Variants in BAHD1 observed in about 807,000 individuals in gnomAD.
BAHD1 encodes bromo adjacent homology domain containing 1, also known as bromo adjacent homology domain-containing 1 protein.
BAHD1 carries 20 observed loss-of-function variants against 63.1 expected under a neutral mutation model. That is an observed-to-expected ratio of 0.32 (90% CI 0.22 to 0.46). The LOEUF (loss-of-function observed/expected upper bound fraction) is 0.46, where lower values mean the gene tolerates loss of function less well. Ranked by LOEUF, BAHD1 falls within the 20% of genes least tolerant of loss-of-function variation. BAHD1 has a pLI of 1.00. For missense variants in BAHD1, 939 were observed against 1,071.8 expected (o/e 0.88, Z 1.73); for synonymous variants, 408 against 426.8 (o/e 0.96, Z 0.54).
Position 40,467,213 on chromosome 15 carries a change from T to C in BAHD1, c.*1083T>C, listed in dbSNP as rs1002508618. ...ACTTGCATTTTCAGTTTGTTCCTGT[T>C]GCCCAGAGGCCCTGTTCTCACCTCA... On this transcript the variant is annotated 3_prime_UTR_variant, in exon 7 of 7. Transcript: ENST00000416165. 1 of 152,868 alleles carries C rather than the reference T, an allele frequency of 6.5e-6. No individual in the cohort carries two copies. The highest frequency in any genetic ancestry group is 1.5e-5 in the Non-Finnish European group (1 of 68,166). 9.5% of individuals were successfully genotyped at this position (152,868 alleles called of 1,614,324 possible). A position where few individuals can be genotyped will look rare whatever the true frequency, so the allele number is the denominator to read the frequency against.
intron 1 of BAHD1, among the ~76,000 whole-genome samples, chr15:40,452,291 T>G (rs931408938): frequency 1.9e-4 from 28 of 147,982 alleles, no homozygotes; most frequent in African/African-American, 7.1e-4. Context: ...CTCTCTCTCT[T>G]TGAGGACAGT....
At chr15:40,456,386 A>G (rs547937312) in intron 1 of BAHD1, among the ~76,000 whole-genome samples, 29 of 152,262 alleles carry the variant, frequency 1.9e-4, no homozygotes, top group African/African-American at 6.0e-4. Context: ...GGAGCTCTCC[A>G]CCTGTGCTTC....
intron 4 of BAHD1, 121 bp downstream of exon 4, chr15:40,464,141 G>A (rs1894134641): frequency 8.2e-7 from 1 of 1,221,268 alleles, no homozygotes. Flanking sequence ...CTGGCACAGA[G>A]TCTGCCTTCC....
chr15:40,459,806 G>A lies in BAHD1; in HGVS notation c.1342G>A (p.Gly448Ser), dbSNP rs1368040696. 3 of 1,613,526 alleles carry A rather than the reference G, an allele frequency of 1.9e-6. No homozygotes were observed. Among genetic ancestry groups the A allele is most frequent in the Non-Finnish European group, 2.5e-6 (3 of 1,179,942 alleles). The change falls in exon 2 of 7, where the codon GGC (glycine) becomes AGC (serine). Residue 448 changes from glycine (G) to serine (S), a missense_variant. By Grantham distance (56) the Gly-to-Ser change is moderately conservative (BLOSUM62 0). This residue lies in a region of BAHD1 where 797 missense variants were observed against 813.3 expected (regional missense o/e 0.98). Coordinates refer to ENST00000416165, the MANE Select transcript of BAHD1 (RefSeq NM_014952.5). ...CTCTAGCGAGGACACTGGAGTGAAT[G>A]GCTACAGCATCTGCGGAGTGTTGCC... is the stretch of plus-strand genomic sequence containing the variant. ...YCSSEDTGVN[G>S]YSICGVLPLS...
rs140142679 is a variant in BAHD1 at position 40,459,520 on chromosome 15, G to C, written c.1056G>C (p.Leu352=). The change falls in exon 2 of 7, where the codon CTG becomes CTC. Residue 352 remains leucine (L), a synonymous_variant. Coordinates refer to ENST00000416165, the MANE Select transcript of BAHD1 (RefSeq NM_014952.5). ...LHQPSFPTPQ[L]SPLPMPGNPA... Reference sequence around the variant, plus strand: ...AGCCCTCTTTCCCCACACCTCAGCTGTCGCCGCTGCCGATGCCTGGCAACC... The same window carrying C: ...AGCCCTCTTTCCCCACACCTCAGCTCTCGCCGCTGCCGATGCCTGGCAACC... 6.5e-5 allele frequency: 105 copies of C among 1,613,978 alleles called. No homozygotes were observed. Among genetic ancestry groups the C allele is most frequent in the Non-Finnish European group, 8.1e-5 (96 of 1,180,036 alleles).
At chr15:40,453,848 TTA>T (rs1330321779) in intron 1 of BAHD1, 1 of 140,790 alleles carries the variant, frequency 7.1e-6, no homozygotes. Context: ...TGTCACGCGC[TTA>T]TAGTCTCAGT....
chr15:40,440,781 G>C (rs1008606012), upstream of BAHD1, among the ~76,000 whole-genome samples: 8 of 151,802 alleles, frequency 5.3e-5, no homozygotes, highest in African/African-American at 1.9e-4. Flanking sequence ...TGGGACGACC[G>C]ACCCACGGTT....
chr15:40,466,259 GGGGA>G lies in BAHD1; in HGVS notation c.*133_*136del. The G allele has an allele frequency of 1.2e-6, 1 of 826,080 alleles. No homozygotes were observed. The highest frequency in any genetic ancestry group is 1.8e-6 in the Non-Finnish European group (1 of 560,834). 51.2% of individuals were successfully genotyped at this position (826,080 alleles called of 1,614,324 possible). ...TTTGCTGGCCTGTGGTTTTCTTGGGGGGGAGGGCAGGGGCCCCTGTGGGTTCTGG... is the reference window on the plus strand; with the variant it reads ...TTTGCTGGCCTGTGGTTTTCTTGGGGGGGCAGGGGCCCCTGTGGGTTCTGG... On this transcript the variant is annotated 3_prime_UTR_variant, in exon 7 of 7. Coordinates refer to ENST00000416165, the MANE Select transcript of BAHD1 (RefSeq NM_014952.5).
Position 40,458,956 on chromosome 15 carries a change from GTCC to G in BAHD1, c.499_501del (p.Ser167del). Reference sequence around the variant, plus strand: ...ACCGTGATCGTGCTACTGGGGGCTGGTCCTCCTCCAAGAAGCGGCCCCGGCTGG... The same window carrying G: ...ACCGTGATCGTGCTACTGGGGGCTGGTCCTCCAAGAAGCGGCCCCGGCTGG... On this transcript the variant is annotated inframe_deletion, in exon 2 of 7. Transcript: ENST00000416165. This position sits in a 1 kb window ranked among gnomAD's most constrained non-coding sequence, Gnocchi z 4.7. 1.3e-6 allele frequency: 2 copies of G among 1,589,778 alleles called. No individual in the cohort carries two copies. Among genetic ancestry groups the G allele is most frequent in the South Asian group, 1.1e-5 (1 of 88,230 alleles).
At chr15:40,450,701 G>A (rs146699783) in intron 1 of BAHD1, among the ~76,000 whole-genome samples, 1 of 152,314 alleles carries the variant, frequency 6.6e-6, no homozygotes, top group East Asian at 1.9e-4. Flanking sequence ...CTGATCCTGG[G>A]CAGTATGGCA....
At position 40,465,362 on chromosome 15, in the gene BAHD1, C is replaced by T; in HGVS notation, c.2080C>T (p.Arg694Ter). Reference protein sequence around the residue: ...EPLQNEVFASRHQDQNSVACI... With the variant: ...EPLQNEVFAS ...CTTGCAGAATGAAGTGTTTGCATCG[C>T]GACATCAGGACCAGAACAGTGTGGC... The change falls in exon 6 of 7, where the codon CGA becomes TGA. Residue 694 changes from arginine to a stop codon, truncating the protein, a stop_gained. Coordinates refer to ENST00000416165, the MANE Select transcript of BAHD1 (RefSeq NM_014952.5). LOFTEE classifies it high-confidence loss of function. 6.2e-7 allele frequency: 1 copy of T among 1,614,138 alleles called. No homozygotes were observed. The highest frequency in any genetic ancestry group is 8.5e-7 in the Non-Finnish European group (1 of 1,180,000).
intron 4 of BAHD1, 102 bp downstream of exon 4, chr15:40,464,122 C>A: frequency 7.4e-7 from 1 of 1,346,682 alleles, no homozygotes; most frequent in Non-Finnish European, 1.0e-6. Context: ...CGTGAGTCTC[C>A]CCGTGTTCCT....
At chr15:40,463,461 AT>A (rs1894110715) in intron 3 of BAHD1, among the ~76,000 whole-genome samples, 1 of 152,220 alleles carries the variant, frequency 6.6e-6, no homozygotes, top group South Asian at 2.1e-4. Context: ...CATTTTACAG[AT>A]GTGGAAGCTG....
chr15:40,459,711 T>A lies in BAHD1; in HGVS notation c.1247T>A (p.Leu416His). The A allele has an allele frequency of 6.2e-7, 1 of 1,613,986 alleles. No individual in the cohort carries two copies. The highest frequency in any genetic ancestry group is 1.3e-5 in the African/African-American group (1 of 75,068). ...GCTGCACCTCACGAGGAGGGGCTCC[T>A]CTTAGCTCCGAGCTCAGTGCCCTCA... ...PVAAPHEEGL[L>H]LAPSSVPSGT... Residue 416 changes from leucine (L) to histidine (H), a missense_variant, in exon 2 of 7, where the codon CTC (leucine) becomes CAC (histidine). Leu to His is a moderately conservative substitution (Grantham distance 99). Coordinates refer to ENST00000416165, the MANE Select transcript of BAHD1 (RefSeq NM_014952.5).
chr15:40,456,333 G>A (rs1414675801), intron 1 of BAHD1, among the ~76,000 whole-genome samples: 4 of 152,180 alleles, frequency 2.6e-5, no homozygotes, highest in African/African-American at 7.2e-5. Flanking sequence ...ATTAGAAGCA[G>A]GAAAGAGACT....
Position 40,458,646 on chromosome 15 carries a change from C to T in BAHD1, c.182C>T (p.Pro61Leu). Residue 61 changes from proline (P) to leucine (L), a missense_variant, in exon 2 of 7, where the codon CCA (proline) becomes CTA (leucine). Pro to Leu is a moderately conservative substitution (Grantham distance 98). Coordinates refer to ENST00000416165, the MANE Select transcript of BAHD1 (RefSeq NM_014952.5). This position sits in a 1 kb window ranked among gnomAD's most constrained non-coding sequence, Gnocchi z 4.7. ...RRKNYPLRKRPLVPEKPKACK... is the reference protein window; with the variant it reads ...RRKNYPLRKRLLVPEKPKACK... ...AAGAATTACCCACTTCGTAAGCGCC[C>T]ATTGGTTCCTGAGAAGCCCAAGGCC... The T allele has an allele frequency of 6.2e-7, 1 of 1,613,838 alleles. No individual in the cohort carries two copies. Among genetic ancestry groups the T allele is most frequent in the South Asian group, 1.1e-5 (1 of 91,064 alleles).
rs528518288 is a variant in BAHD1 at position 40,466,269 on chromosome 15, G to A, written c.*139G>A. The A allele has an allele frequency of 1.9e-5, 15 of 781,964 alleles. No individual in the cohort carries two copies. The East Asian group carries it at 4.4e-4, about 23-fold the overall frequency. 48.4% of individuals were successfully genotyped at this position (781,964 alleles called of 1,614,324 possible). On this transcript the variant is annotated 3_prime_UTR_variant, in exon 7 of 7. Transcript: ENST00000416165. ...TGTGGTTTTCTTGGGGGGGAGGGCA[G>A]GGGCCCCTGTGGGTTCTGGGCTCCA...
chr15:40,445,889 C>T (rs1379831443), intron 1 of BAHD1, among the ~76,000 whole-genome samples: 1 of 152,194 alleles, frequency 6.6e-6, no homozygotes, highest in Non-Finnish European at 1.5e-5. Context: ...TGAGGGCAGC[C>T]CCAGCACTCC....
chr15:40,459,092 G>A lies in BAHD1; in HGVS notation c.628G>A (p.Ala210Thr). The change falls in exon 2 of 7, where the codon GCT (alanine) becomes ACT (threonine). Residue 210 changes from alanine to threonine, a missense_variant. Transcript: ENST00000416165. ...APKRLASLNA[A>T]AFLKLSQERE... ...CAAGAGACTGGCTAGCCTGAACGCA[G>A]CTGCTTTCCTAAAACTGAGCCAGGA... 1.2e-6 allele frequency: 2 copies of A among 1,612,930 alleles called. No homozygotes were observed. Among genetic ancestry groups the A allele is most frequent in the Non-Finnish European group, 1.7e-6 (2 of 1,179,794 alleles).
Sources: gnomAD v4.1 joint callset for allele counts (sites outside exome capture counted in the v4.1 genomes callset) on GRCh38, gnomAD v4.1.1 for gene constraint, gnomAD v4.1.1 regional missense constraint, Gnocchi (gnomAD v3.1) non-coding constraint, MANE v1.5 for transcripts, NCBI Gene and HGNC (gene_info 2026-07-23, HGNC 2026-07-21) for gene names.